Variants in TNFAIP8 observed in about 807,000 individuals in gnomAD.
TNFAIP8 encodes the protein TNF alpha induced protein 8.
In TNFAIP8, 7 loss-of-function variants were observed where a neutral mutation model predicts 13.3. That is an observed-to-expected ratio of 0.52 (90% confidence interval 0.30 to 0.99). TNFAIP8 has a LOEUF of 0.99. TNFAIP8 is among the 50% of genes least tolerant of loss of function. The pLI, the probability that TNFAIP8 is intolerant of heterozygous loss-of-function variation, is 0.07. For synonymous variants in TNFAIP8, 94 were observed against 87.6 expected (o/e 1.07, Z -0.41); for missense variants, 258 against 236.9 (o/e 1.09, Z -0.58).
At chr5:119,300,359 C>T in intron 1 of TNFAIP8, among the ~76,000 whole-genome samples, 1 of 152,198 alleles carries the variant, frequency 6.6e-6, no homozygotes, top group Non-Finnish European at 1.5e-5. Context: ...AAGTGTGGTA[C>T]ATTTTAGAAA....
intron 1 of TNFAIP8, among the ~76,000 whole-genome samples, chr5:119,280,639 T>G (rs1290152030): frequency 6.6e-6 from 1 of 152,220 alleles, no homozygotes; most frequent in Admixed American, 6.5e-5. Context: ...TCCACTCTTT[T>G]GATGTTAGCA....
intron 1 of TNFAIP8, among the ~76,000 whole-genome samples, chr5:119,340,499 TC>T (rs1361861759): frequency 6.6e-6 from 1 of 152,222 alleles, no homozygotes; most frequent in African/African-American, 2.4e-5. Flanking sequence ...TATTAATAGT[TC>T]CTCTTAAGAT....
chr5:119,312,745 CAA>C (rs869226026), intron 1 of TNFAIP8, among the ~76,000 whole-genome samples: 1,045 of 43,338 alleles, frequency 0.024, 4 homozygotes, highest in South Asian at 0.1. Context: ...GCAAAAAATA[CAA>C]AAAAAAAAAA....
At chr5:119,292,716 A>C (rs1392549620) in intron 1 of TNFAIP8, among the ~76,000 whole-genome samples, 2 of 126,460 alleles carry the variant, frequency 1.6e-5, no homozygotes, top group Non-Finnish European at 3.4e-5. Context: ...ACTATTTAGC[A>C]ATAAAAAAGA....
At chr5:119,348,275 C>A (rs140174380) in intron 1 of TNFAIP8, among the ~76,000 whole-genome samples, 151 of 152,246 alleles carry the variant, frequency 9.9e-4, no homozygotes, top group African/African-American at 3.5e-3. Context: ...ATCAGCCAGG[C>A]AATGTGAGGG....
intron 1 of TNFAIP8, among the ~76,000 whole-genome samples, chr5:119,297,571 A>C (rs1749216840): frequency 1.3e-5 from 2 of 152,162 alleles, no homozygotes; most frequent in African/African-American, 4.8e-5. Flanking sequence ...GCTGAAAAAA[A>C]TGTATATTCT....
chr5:119,305,504 A>G (rs1749522682), intron 1 of TNFAIP8, among the ~76,000 whole-genome samples: 1 of 151,274 alleles, frequency 6.6e-6, no homozygotes, highest in Non-Finnish European at 1.5e-5. Flanking sequence ...CTGAGGCAGG[A>G]GGATCACATG....
At chr5:119,389,127 A>T (rs1752796480) in intron 1 of TNFAIP8, among the ~76,000 whole-genome samples, 1 of 152,186 alleles carries the variant, frequency 6.6e-6, no homozygotes, top group Admixed American at 6.5e-5. Flanking sequence ...GGTATGGTGG[A>T]TGATCCCCAG....
intron 1 of TNFAIP8, among the ~76,000 whole-genome samples, chr5:119,271,709 C>T (rs1362073919): frequency 6.6e-6 from 1 of 152,160 alleles, no homozygotes; most frequent in African/African-American, 2.4e-5. Flanking sequence ...GACAATTTTC[C>T]CTGCTTTGGC....
rs114096033 is a variant in TNFAIP8, at chr5:119,378,957, A to G, written c.32-13859A>G. ...TGTGCGCCTGTAATCCTAGCTACTC[A>G]GGAGGCTAAGGTGGAGGATCTCTTG... On this transcript the variant is annotated intron_variant, in intron 1 of 1. Transcript: ENST00000504771. Among the ~76,000 whole-genome samples, 1,361 of 152,226 alleles carry G rather than the reference A, an allele frequency of 8.9e-3. 12 individuals carry two copies. Among genetic ancestry groups the G allele is most frequent in the African/African-American group, 0.028 (1,148 of 41,538 alleles).
At chr5:119,280,401 A>T (rs934034975) in intron 1 of TNFAIP8, among the ~76,000 whole-genome samples, 1 of 149,038 alleles carries the variant, frequency 6.7e-6, no homozygotes, top group Non-Finnish European at 1.5e-5. Context: ...CTTCCTTTAA[A>T]TTTTTTTTTT....
intron 1 of TNFAIP8, among the ~76,000 whole-genome samples, chr5:119,360,249 C>G (rs1405503067): frequency 6.6e-6 from 1 of 152,104 alleles, no homozygotes; most frequent in African/African-American, 2.4e-5. Context: ...TGCAGTAGAG[C>G]CAGAAAAACT....
In TNFAIP8 at chr5:119,311,688, C is replaced by CAAA. The variant is rs55965350; in HGVS notation, c.1+42800_1+42802dup. On this transcript the variant is annotated intron_variant, in intron 1 of 1. Transcript: ENST00000274456. ...TGGGTGACAGAGTGAGACTCCGTCT[C>CAAA]AAAAAAAAAAAAAAAAAAAAATCAG... Among the ~76,000 whole-genome samples the CAAA allele has an allele frequency of 9.0e-4, 60 of 66,644 alleles. 8 individuals carry two copies. The highest frequency in any genetic ancestry group is 2.1e-3 in the African/African-American group (33 of 15,412). 43.7% of individuals were successfully genotyped at this position (66,644 alleles called of 152,430 possible). A position where few individuals can be genotyped will look rare whatever the true frequency, so the allele number is the denominator to read the frequency against.
At chr5:119,293,371 A>G (rs530235934) in intron 1 of TNFAIP8, among the ~76,000 whole-genome samples, 271 of 151,978 alleles carry the variant, frequency 1.8e-3, no homozygotes, top group African/African-American at 6.2e-3. Flanking sequence ...CCAACCTTCA[A>G]CCTCTAGTCA....
At chr5:119,348,602 T>C (rs250308) in intron 1 of TNFAIP8, among the ~76,000 whole-genome samples, 98,762 of 151,924 alleles carry the variant, frequency 0.65, 32,487 homozygotes, top group African/African-American at 0.7. Flanking sequence ...AATCTCTGGC[T>C]GGGCACGGAG....
intron 1 of TNFAIP8, among the ~76,000 whole-genome samples, chr5:119,303,049 G>T (rs2112655785): frequency 6.6e-6 from 1 of 152,202 alleles, no homozygotes; most frequent in Admixed American, 6.5e-5. Context: ...CCTCCTCCCT[G>T]TTAGAAAGAC....
At chr5:119,354,246 G>C (rs765175705), upstream of TNFAIP8, 1 of 152,290 alleles carries the variant, frequency 6.6e-6, no homozygotes, top group Non-Finnish European at 1.5e-5. Context: ...GAAGGGTGCA[G>C]TCTGTTACCC....
chr5:119,311,416 G>T (rs560383306), intron 1 of TNFAIP8, among the ~76,000 whole-genome samples: 7 of 152,058 alleles, frequency 4.6e-5, no homozygotes, highest in Non-Finnish European at 1.0e-4. Flanking sequence ...AATGGGCTGG[G>T]CGTGGTGGCT....
chr5:119,339,093 T>G (rs1750652400), intron 1 of TNFAIP8, among the ~76,000 whole-genome samples: 1 of 152,180 alleles, frequency 6.6e-6, no homozygotes, highest in South Asian at 2.1e-4. Context: ...GTGATTGAGC[T>G]TCATCCTGAA....
Sources: allele counts gnomAD v4.1 joint callset (sites outside exome capture counted in the v4.1 genomes callset), GRCh38; gene constraint gnomAD v4.1.1; transcripts MANE v1.5; gene names NCBI Gene and HGNC (gene_info 2026-07-23, HGNC 2026-07-21).